The following CELSR2 variants were observed in gnomAD, a reference collection of about 807,000 sequenced individuals.
The protein encoded by CELSR2 is cadherin EGF LAG seven-pass G-type receptor 2, also known as EGF-like protein 2.
CELSR2 carries 81 observed loss-of-function variants against 251.6 expected under a neutral mutation model. The ratio of observed to expected loss-of-function variants is 0.32; its 90% CI spans 0.27 to 0.39. The LOEUF (loss-of-function observed/expected upper bound fraction) is 0.39. CELSR2 is among the 10% of genes least tolerant of loss of function. The pLI is 1.00. For missense variants in CELSR2, 3,365 were observed against 3,947.7 expected (o/e 0.85, Z 3.96); for synonymous variants, 1,721 against 1,670.5 (o/e 1.03, Z -0.74).
rs895314347 is a variant in CELSR2 at position 109,274,249 on chromosome 1, C to T, written c.*200C>T. 9.7e-6 allele frequency: 13 copies of T among 1,336,414 alleles called. No individual in the cohort carries two copies. In the African/African-American group the frequency reaches 1.2e-4, roughly 12 times the overall value. The allele number at this position is 1,336,414 out of a possible 1,614,324, so 82.8% of individuals were successfully genotyped here. A position where few individuals can be genotyped will look rare whatever the true frequency, so the allele number is the denominator to read the frequency against. On this transcript the variant is annotated 3_prime_UTR_variant, in exon 34 of 34. Transcript: ENST00000271332. ...GGCCATCTAGTGCCAACTCCCCCCC[C>T]ACCATTCCCCTCACTGCACTTTGGA...
In CELSR2 at chr1:109,252,498, G is replaced by T; in HGVS notation, c.2419G>T (p.Asp807Tyr). Residue 807 changes from aspartate (D) to tyrosine (Y), a missense_variant, in exon 1 of 34, where the codon GAC becomes TAC. This residue lies in a region of CELSR2 where 505 missense variants were observed against 660.0 expected (regional missense o/e 0.77). Transcript: ENST00000271332. This position sits in a 1 kb window ranked among gnomAD's most constrained non-coding sequence, Gnocchi z 4.8. ...DTTYLEILVN[D>Y]VNDNAPQFLR... Reference sequence around the variant, plus strand: ...CACCTACCTGGAGATCCTGGTGAACGACGTGAATGACAATGCCCCTCAGTT... The same window carrying T: ...CACCTACCTGGAGATCCTGGTGAACTACGTGAATGACAATGCCCCTCAGTT... 1 of 1,613,894 alleles carries T rather than the reference G, an allele frequency of 6.2e-7. No individual in the cohort carries two copies. Among genetic ancestry groups the T allele is most frequent in the East Asian group, 2.2e-5 (1 of 44,884 alleles).
chr1:109,273,405 C>T, intron 32 of CELSR2, 31 bp from the exon 33 acceptor site: 1 of 1,607,360 alleles, frequency 6.2e-7, no homozygotes, highest in Middle Eastern at 1.7e-4. Flanking sequence ...TCTCCTGTGG[C>T]CGCACCTCAC....
Position 109,250,280 on chromosome 1 carries a change from C to A in CELSR2, c.201C>A (p.Leu67=). ...LCPSSASNLW[L]YTSRCRDAGT... is the part of the protein sequence containing the mutation. Reference sequence around the variant, plus strand: ...CATCCTCAGCGTCGAACCTCTGGCTCTACACCAGCCGCTGCAGGGATGCGG... The same window carrying A: ...CATCCTCAGCGTCGAACCTCTGGCTATACACCAGCCGCTGCAGGGATGCGG... The change falls in exon 1 of 34, where the codon CTC becomes CTA. Residue 67 remains leucine (L), a synonymous_variant. Coordinates refer to ENST00000271332, the MANE Select transcript of CELSR2 (RefSeq NM_001408.3). This position sits in a 1 kb window ranked among gnomAD's most constrained non-coding sequence, Gnocchi z 4.4. 6.2e-7 allele frequency: 1 copy of A among 1,613,098 alleles called. No individual in the cohort carries two copies. The highest frequency in any genetic ancestry group is 1.1e-5 in the South Asian group (1 of 91,080).
At chr1:109,253,973 T>A (rs1655777135) in intron 1 of CELSR2, among the ~76,000 whole-genome samples, 1 of 152,186 alleles carries the variant, frequency 6.6e-6, no homozygotes, top group Non-Finnish European at 1.5e-5. Flanking sequence ...TTCTTTTCCC[T>A]CCAGGCAGAA....
At position 109,267,593 on chromosome 1, in the gene CELSR2, C is replaced by T. The variant is rs1240771982; in HGVS notation, c.6059C>T (p.Pro2020Leu). 6.2e-7 allele frequency: 1 copy of T among 1,614,192 alleles called. No individual in the cohort carries two copies. Among genetic ancestry groups the T allele is most frequent in the South Asian group, 1.1e-5 (1 of 91,086 alleles). Residue 2020 changes from proline (P) to leucine (L), a missense_variant, in exon 16 of 34, where the codon CCA becomes CTA. Physicochemically the swap from Pro to Leu is moderately conservative, Grantham distance 98. Transcript: ENST00000271332. ...GATGAGCACAGGGGGTGGCTCCCCC[C>T]AAACCTCTTCAACTGCACGTCCATC... ...HCDEHRGWLP[P>L]NLFNCTSITF...
chr1:109,263,823 TG>T (rs1656104667), intron 9 of CELSR2, 46 bp downstream of exon 9: 6 of 1,591,514 alleles, frequency 3.8e-6, no homozygotes, highest in Non-Finnish European at 4.3e-6. Flanking sequence ...CATAGGGCCC[TG>T]GTAGCCTCTA....
intron 1 of CELSR2, among the ~76,000 whole-genome samples, chr1:109,253,592 G>T (rs1655763333): frequency 1.3e-5 from 2 of 152,258 alleles, no homozygotes; most frequent in South Asian, 4.1e-4. Context: ...ACCTTCTGCT[G>T]GGCTGGGCTG....
chr1:109,270,702 A>G (rs1183766930), intron 24 of CELSR2, 102 bp downstream of exon 24: 22 of 1,423,724 alleles, frequency 1.5e-5, no homozygotes, highest in Admixed American at 2.0e-5. Flanking sequence ...CCACATCCCC[A>G]TGCCCCAGGC....
At chr1:109,254,135 G>A (rs596773) in intron 1 of CELSR2, among the ~76,000 whole-genome samples, 28,109 of 152,220 alleles carry the variant, frequency 0.18, 2,813 homozygotes, top group African/African-American at 0.23. Context: ...CTGAGGCCTC[G>A]TGGGCCCCCC....
At chr1:109,263,897 G>C in intron 9 of CELSR2, 120 bp downstream of exon 9, 14 of 1,407,502 alleles carry the variant, frequency 9.9e-6, no homozygotes, top group Non-Finnish European at 1.2e-5. Context: ...AGAGGCCGCT[G>C]GATCCGTTGG....
intron 6 of CELSR2, 38 bp downstream of exon 6, chr1:109,262,482 G>A: frequency 6.2e-7 from 1 of 1,604,098 alleles, no homozygotes; most frequent in Non-Finnish European, 8.5e-7. Flanking sequence ...GGTGAAGTGA[G>A]GGCAGGGCCA....
At position 109,253,003 on chromosome 1, in the gene CELSR2, C is replaced by T; in HGVS notation, c.2924C>T (p.Ser975Phe). The T allele has an allele frequency of 1.2e-6, 2 of 1,612,680 alleles. No homozygotes were observed. Among genetic ancestry groups the T allele is most frequent in the Non-Finnish European group, 1.7e-6 (2 of 1,179,184 alleles). The change falls in exon 1 of 34, where the codon TCC becomes TTC. Residue 975 changes from serine to phenylalanine, a missense_variant. Coordinates refer to ENST00000271332, the MANE Select transcript of CELSR2 (RefSeq NM_001408.3). ...GAGGTCTTTCAGCTGGACATCTTCT[C>T]CGGGGAGCTGACAGCCCTGGTAGAC... ...IPEVFQLDIF[S>F]GELTALVDLD...
chr1:109,272,164 G>T (rs1224877121), intron 28 of CELSR2, 114 bp from the exon 29 acceptor site: 7 of 1,360,710 alleles, frequency 5.1e-6, no homozygotes, highest in South Asian at 1.4e-5. Context: ...CTCTCTTTCA[G>T]ACCTGAGCAT....
rs1179831959 is a variant in CELSR2, at chr1:109,270,019, C to T, written c.7194C>T (p.Leu2398=). The T allele has an allele frequency of 1.2e-6, 2 of 1,614,174 alleles. No individual in the cohort carries two copies. The highest frequency in any genetic ancestry group is 8.5e-7 in the Non-Finnish European group (1 of 1,180,038). Residue 2398 remains leucine (L), a synonymous_variant, in exon 23 of 34, where the codon CTC becomes CTT. Transcript: ENST00000271332. ...LAALLLTFFF[L]TLLRILRSNQ... ...CCCTTCTGCTCACCTTCTTCTTCCT[C>T]ACTCTCTTGCGTATCCTGCGCTCCA... is the stretch of plus-strand genomic sequence containing the variant.
At chr1:109,268,183 CAGG>C in intron 17 of CELSR2, 123 bp downstream of exon 17, 1 of 1,380,354 alleles carries the variant, frequency 7.2e-7, no homozygotes, top group Non-Finnish European at 9.6e-7. Context: ...TCCCTGCTGG[CAGG>C]AGGCCTCCAT....
rs1279225263 is a variant in CELSR2 at position 109,258,693 on chromosome 1, C to T, written c.3572C>T (p.Pro1191Leu). 1 of 1,549,034 alleles carries T rather than the reference C, an allele frequency of 6.5e-7. No homozygotes were observed. The highest frequency in any genetic ancestry group is 2.4e-5 in the East Asian group (1 of 41,082). Residue 1191 changes from proline to leucine, a missense_variant, in exon 2 of 34, where the codon CCA (proline) becomes CTA (leucine). Pro to Leu is a moderately conservative substitution (Grantham distance 98). Around this residue, in one of 5 missense-constraint regions of CELSR2, gnomAD observed 2,093 missense variants for 2,382.8 expected, o/e 0.88. Transcript: ENST00000271332. ...GTGAGCCTGTCGGTGGGCCAGCCGC[C>T]AGGGCCCGGGGGCGGGCCGCCCTTC... ...LNVSLSVGQPPGPGGGPPFLP... is the reference protein window; with the variant it reads ...LNVSLSVGQPLGPGGGPPFLP...
intron 1 of CELSR2, 144 bp downstream of exon 1, chr1:109,253,533 G>A (rs1655761571): frequency 1.4e-6 from 2 of 1,424,792 alleles, no homozygotes; most frequent in Non-Finnish European, 9.2e-7. Flanking sequence ...AGGGGCAAGA[G>A]CCAGCTTGGG....
Position 109,250,649 on chromosome 1 carries a change from G to A in CELSR2, c.570G>A (p.Val190=), listed in dbSNP as rs1465869628. The A allele has an allele frequency of 6.2e-7, 1 of 1,614,088 alleles. No homozygotes were observed. Among genetic ancestry groups the A allele is most frequent in the Non-Finnish European group, 8.5e-7 (1 of 1,180,018 alleles). ...QFQPPSYQAT[V]PENQPAGTPV... is the part of the protein sequence containing the mutation. ...AGCCCCCCAGCTACCAGGCCACAGTGCCGGAGAACCAGCCAGCAGGCACCC... is the reference window on the plus strand; with the variant it reads ...AGCCCCCCAGCTACCAGGCCACAGTACCGGAGAACCAGCCAGCAGGCACCC... Residue 190 remains valine, a synonymous_variant, in exon 1 of 34, where the codon GTG becomes GTA. Coordinates refer to ENST00000271332, the MANE Select transcript of CELSR2 (RefSeq NM_001408.3). The surrounding 1 kb of genome is among the most constrained non-coding windows in gnomAD (Gnocchi z 4.4).
rs893331135 is a variant in CELSR2 at position 109,272,136 on chromosome 1, C to T, written c.7927-142C>T. On this transcript the variant is annotated intron_variant, in intron 28 of 33. Coordinates refer to ENST00000271332, the MANE Select transcript of CELSR2 (RefSeq NM_001408.3). The stretch of plus-strand genomic sequence containing the variant: ...CCACTGCCAGGCCTCAATATGGGGA[C>T]AGCGGAGAAGCAGGGCCCTCTCTTT... 1.1e-5 allele frequency: 12 copies of T among 1,118,892 alleles called. No individual in the cohort carries two copies. In the African/African-American group the frequency reaches 1.9e-4, roughly 18 times the overall value. 69.3% of individuals were successfully genotyped at this position (1,118,892 alleles called of 1,614,324 possible).
Sources: allele counts gnomAD v4.1 joint callset (sites outside exome capture counted in the v4.1 genomes callset), GRCh38; gene constraint gnomAD v4.1.1; regional missense constraint gnomAD v4.1.1; non-coding constraint Gnocchi (gnomAD v3.1); transcripts MANE v1.5; gene names NCBI Gene and HGNC (gene_info 2026-07-23, HGNC 2026-07-21).